Variants in CMSS1 observed in about 807,000 individuals in gnomAD.
The protein encoded by CMSS1 is cms1 ribosomal small subunit homolog, also known as protein CMSS1.
Under a neutral mutation model 43.5 loss-of-function variants are expected in CMSS1, and 33 were observed. The ratio of observed to expected loss-of-function variants is 0.76; its 90% CI spans 0.57 to 1.01. The LOEUF (loss-of-function observed/expected upper bound fraction) is 1.01, where lower values mean the gene tolerates loss of function less well. CMSS1 is among the 50% of genes least tolerant of loss of function. The pLI is 0.00. For synonymous variants in CMSS1, 115 were observed against 117.2 expected (o/e 0.98, Z 0.12); for missense variants, 313 against 326.4 (o/e 0.96, Z 0.32).
At position 100,150,123 on chromosome 3, in the gene CMSS1, C is replaced by G. The variant is rs545432921; in HGVS notation, c.153+3062C>G. ...CCCTCTGGAACTCATCCCACCACCC[C>G]AAGGATGACTTACTTGTCAGGCATA... On this transcript the variant is annotated intron_variant, in intron 2 of 9. Transcript: ENST00000421999. Among the ~76,000 whole-genome samples the G allele has an allele frequency of 1.4e-4, 22 of 152,274 alleles. No individual in the cohort carries two copies. The South Asian group carries it at 3.9e-3, about 27-fold the overall frequency.
intron 1 of CMSS1, chr3:100,041,155 T>C (rs2065199036): frequency 6.6e-6 from 1 of 152,172 alleles, no homozygotes; most frequent in African/African-American, 2.4e-5. Flanking sequence ...AAGAAATCAC[T>C]TCCTGACACC....
intron 1 of CMSS1, among the ~76,000 whole-genome samples, chr3:99,968,948 C>G (rs1296736966): frequency 7.3e-6 from 1 of 136,606 alleles, no homozygotes; most frequent in South Asian, 2.6e-4. Context: ...GGGGTGCAAC[C>G]CAGGTTCAAG....
intron 1 of CMSS1, among the ~76,000 whole-genome samples, chr3:99,983,504 ATATATG>A (rs1236538559): frequency 1.5e-4 from 17 of 112,250 alleles, no homozygotes; most frequent in East Asian, 4.7e-4. Context: ...ATATATATAT[ATATATG>A]TATATATATA....
intron 1 of CMSS1, among the ~76,000 whole-genome samples, chr3:100,072,584 A>C (rs1373713533): frequency 6.6e-6 from 1 of 152,206 alleles, no homozygotes; most frequent in East Asian, 1.9e-4. Context: ...TTTAACTGTC[A>C]ACCGACCATC....
intron 1 of CMSS1, among the ~76,000 whole-genome samples, chr3:99,970,458 A>T (rs1444388002): frequency 6.6e-6 from 1 of 152,254 alleles, no homozygotes; most frequent in African/African-American, 2.4e-5. Flanking sequence ...TCATTCTCAC[A>T]TACTCTGTGC....
At chr3:99,961,511 C>T (rs1323283381) in intron 1 of CMSS1, among the ~76,000 whole-genome samples, 1 of 152,078 alleles carries the variant, frequency 6.6e-6, no homozygotes, top group Non-Finnish European at 1.5e-5. Context: ...GTTCATTTTG[C>T]CAGCCCATGT....
intron 1 of CMSS1, among the ~76,000 whole-genome samples, chr3:100,042,367 A>G (rs1050383538): frequency 6.6e-6 from 1 of 152,206 alleles, no homozygotes; most frequent in Non-Finnish European, 1.5e-5. Flanking sequence ...TGACCAGCCA[A>G]TACCAGATAC....
chr3:99,824,167 C>T (rs1302737953), intron 1 of CMSS1, among the ~76,000 whole-genome samples: 2 of 152,038 alleles, frequency 1.3e-5, no homozygotes, highest in African/African-American at 4.8e-5. Context: ...TTGATCCGCC[C>T]GCCTCAGCCT....
At chr3:99,906,781 T>C (rs2107634036) in intron 1 of CMSS1, among the ~76,000 whole-genome samples, 1 of 152,288 alleles carries the variant, frequency 6.6e-6, no homozygotes, top group Middle Eastern at 3.4e-3. Flanking sequence ...ATTGGATCAT[T>C]GAACTATAAG....
chr3:99,988,386 G>A (rs1182180401), intron 1 of CMSS1, among the ~76,000 whole-genome samples: 2 of 149,378 alleles, frequency 1.3e-5, no homozygotes. Context: ...GGTGGCATGT[G>A]CCTGTAGTCC....
chr3:100,180,791 CTT>C lies in CMSS1; in HGVS notation c.*2405_*2406del, dbSNP rs1414021100. On this transcript the variant is annotated 3_prime_UTR_variant, in exon 10 of 10. Transcript: ENST00000421999. ...AGTTGCTTCCACATTTTTTAGGTAT[CTT>C]TATAGAAATGTCCCACTTCTCTGGT... is the stretch of plus-strand genomic sequence containing the variant. The C allele has an allele frequency of 6.6e-6, 1 of 152,190 alleles. No homozygotes were observed. Among genetic ancestry groups the C allele is most frequent in the Non-Finnish European group, 1.5e-5 (1 of 68,036 alleles). 9.4% of individuals were successfully genotyped at this position (152,190 alleles called of 1,614,324 possible).
intron 1 of CMSS1, 22 bp from the exon 2 acceptor site, chr3:100,146,951 T>C: frequency 6.2e-7 from 1 of 1,609,912 alleles, no homozygotes; most frequent in Middle Eastern, 1.7e-4. Context: ...CTTTTCTGAT[T>C]TTCAAACTTT....
At position 99,983,385 on chromosome 3, in the gene CMSS1, AATAAATATAT is replaced by A. The variant is rs1178362217; in HGVS notation, c.65-163584_65-163575del. ...CCTGTCTCTACTTAAAAAATAAATA[AATAAATATAT>A]ATATATATATATATATATATATATG... On this transcript the variant is annotated intron_variant, in intron 1 of 9. Coordinates refer to ENST00000421999, the MANE Select transcript of CMSS1 (RefSeq NM_032359.4). 4.9e-3 allele frequency among the ~76,000 whole-genome samples: 412 copies of A among 84,052 alleles called. 18 individuals carry two copies. Among genetic ancestry groups the A allele is most frequent in the Admixed American group, 0.026 (188 of 7,336 alleles). 55.1% of individuals were successfully genotyped at this position (84,052 alleles called of 152,430 possible).
Position 100,037,451 on chromosome 3 carries a change from GAC to G in CMSS1, c.65-109507_65-109506del, listed in dbSNP as rs66489523. Among the ~76,000 whole-genome samples, 10 of 151,392 alleles carry G rather than the reference GAC, an allele frequency of 6.6e-5. 1 individual carries two copies. Among genetic ancestry groups the G allele is most frequent in the African/African-American group, 1.7e-4 (7 of 41,322 alleles). On this transcript the variant is annotated intron_variant, in intron 1 of 9. Coordinates refer to ENST00000421999, the MANE Select transcript of CMSS1 (RefSeq NM_032359.4). ...ACAAAAGATTAAAACAAAGCAAACA[GAC>G]ACACACACACACACGCACATTGTTA...
intron 1 of CMSS1, among the ~76,000 whole-genome samples, chr3:99,989,569 G>A (rs1371439935): frequency 1.3e-5 from 2 of 151,940 alleles, no homozygotes; most frequent in East Asian, 1.9e-4. Flanking sequence ...CACTGCTCTT[G>A]CAAGCTACTC....
chr3:100,165,939 T>G (rs2067062112), intron 4 of CMSS1, among the ~76,000 whole-genome samples: 1 of 152,214 alleles, frequency 6.6e-6, no homozygotes, highest in Non-Finnish European at 1.5e-5. Flanking sequence ...TTCTAATGAG[T>G]GTGTAAAGTA....
chr3:99,998,769 C>T (rs937042917), intron 1 of CMSS1, among the ~76,000 whole-genome samples: 22 of 152,152 alleles, frequency 1.4e-4, no homozygotes, highest in African/African-American at 5.3e-4. Flanking sequence ...CCGGGTTTCA[C>T]CGTATTAGCC....
At chr3:100,158,832 G>A (rs1421480296) in intron 2 of CMSS1, among the ~76,000 whole-genome samples, 1 of 152,040 alleles carries the variant, frequency 6.6e-6, no homozygotes, top group Non-Finnish European at 1.5e-5. Context: ...TTAATTAATT[G>A]GCTTTGTAAA....
In CMSS1 at chr3:99,817,872, G is replaced by C. The variant is rs1055650591; in HGVS notation, c.-108G>C. On this transcript the variant is annotated 5_prime_UTR_variant, in exon 1 of 10. Transcript: ENST00000421999. ...CGGGGCGGAGGCGACAGTGTCTAGCGGGAGCTCCGCGTGTAGCTACGCCGG... is the reference window on the plus strand; with the variant it reads ...CGGGGCGGAGGCGACAGTGTCTAGCCGGAGCTCCGCGTGTAGCTACGCCGG... 6.1e-5 allele frequency: 70 copies of C among 1,150,164 alleles called. No homozygotes were observed. The highest frequency in any genetic ancestry group is 8.1e-5 in the Non-Finnish European group (64 of 786,298). 71.2% of individuals were successfully genotyped at this position (1,150,164 alleles called of 1,614,324 possible).
Sources: gnomAD v4.1 joint callset for allele counts (sites outside exome capture counted in the v4.1 genomes callset) on GRCh38, gnomAD v4.1.1 for gene constraint, MANE v1.5 for transcripts, NCBI Gene and HGNC (gene_info 2026-07-23, HGNC 2026-07-21) for gene names.